GRM7: variants seen among roughly 807,000 people sequenced by gnomAD.
GRM7 encodes the protein metabotropic glutamate receptor 7.
Under a neutral mutation model 84.5 loss-of-function variants are expected in GRM7, and 35 were observed. The observed-to-expected ratio is 0.41, with a 90% CI of 0.32 to 0.55. The LOEUF is 0.55. Ranked by LOEUF, GRM7 falls within the 20% of genes least tolerant of loss-of-function variation. GRM7 has a pLI of 0.19. For synonymous variants in GRM7, 487 were observed against 455.1 expected (o/e 1.07, Z -0.89); for missense variants, 1,003 against 1,194.6 (o/e 0.84, Z 2.36).
chr3:7,376,448 G>A (rs1360933117), intron 4 of GRM7, among the ~76,000 whole-genome samples: 3 of 152,164 alleles, frequency 2.0e-5, no homozygotes, highest in Non-Finnish European at 2.9e-5. Flanking sequence ...GAACAAGCTA[G>A]GAGACCTGCT....
At chr3:6,924,325 T>C (rs1697226770) in intron 1 of GRM7, among the ~76,000 whole-genome samples, 1 of 152,170 alleles carries the variant, frequency 6.6e-6, no homozygotes, top group Admixed American at 6.5e-5. Flanking sequence ...AAATCAAAGA[T>C]AAAATGAGAA....
At chr3:7,297,126 A>G (rs182875068) in intron 2 of GRM7, among the ~76,000 whole-genome samples, 272 of 152,268 alleles carry the variant, frequency 1.8e-3, no homozygotes, top group African/African-American at 6.3e-3. Flanking sequence ...TTGAATATAA[A>G]CATATAATGC....
chr3:7,230,028 A>T (rs995131378), intron 2 of GRM7, among the ~76,000 whole-genome samples: 14 of 150,308 alleles, frequency 9.3e-5, no homozygotes, highest in Non-Finnish European at 1.5e-4. Context: ...TTTAGTAGAG[A>T]CGGGGTTTCA....
rs1046113620 is a variant in GRM7 at position 6,862,237 on chromosome 3, A to G, written c.519+330A>G. Among the ~76,000 whole-genome samples the G allele has an allele frequency of 2.6e-5, 4 of 152,114 alleles. No individual in the cohort carries two copies. The highest frequency in any genetic ancestry group is 4.4e-5 in the Non-Finnish European group (3 of 68,026). On this transcript the variant is annotated intron_variant, in intron 1 of 9. Coordinates refer to ENST00000357716, the MANE Select transcript of GRM7 (RefSeq NM_000844.4). The surrounding 1 kb of genome is among the most constrained non-coding windows in gnomAD (Gnocchi z 5.2). ...AAATATGGTCCGAAAACAGGCTCGT[A>G]AAAGTGCCAGGCTCCTAGGAGAGCT...
intron 7 of GRM7, among the ~76,000 whole-genome samples, chr3:7,488,262 A>G (rs1397623904): frequency 6.6e-6 from 1 of 152,108 alleles, no homozygotes; most frequent in Non-Finnish European, 1.5e-5. Flanking sequence ...GACTTTGGGG[A>G]CTATTCAGAT....
intron 1 of GRM7, among the ~76,000 whole-genome samples, chr3:6,976,644 T>A (rs1171406536): frequency 6.6e-6 from 1 of 152,126 alleles, no homozygotes; most frequent in African/African-American, 2.4e-5. Flanking sequence ...GGAGCCTCCA[T>A]CATGCTCACC....
chr3:7,501,439 C>CTA (rs1298977781), intron 7 of GRM7, among the ~76,000 whole-genome samples: 2 of 152,174 alleles, frequency 1.3e-5, no homozygotes, highest in Non-Finnish European at 2.9e-5. Context: ...CATTTATTGA[C>CTA]TACGTGAGTC....
intron 9 of GRM7, among the ~76,000 whole-genome samples, chr3:7,701,539 G>A (rs1414965594): frequency 1.3e-5 from 2 of 152,092 alleles, no homozygotes; most frequent in South Asian, 2.1e-4. Flanking sequence ...TCCTGACCTC[G>A]TGATCCACTC....
At chr3:7,427,972 A>G (rs1032321384) in intron 5 of GRM7, among the ~76,000 whole-genome samples, 3 of 151,996 alleles carry the variant, frequency 2.0e-5, no homozygotes, top group Admixed American at 1.3e-4. Flanking sequence ...TTTGTTCCAA[A>G]CTGTCCACCT....
rs372693344 is a variant in GRM7, at chr3:7,644,618, C to T, written c.2452-35431C>T. Reference sequence around the variant, plus strand: ...AAGACTGTAACATGGTATCTCAGTTCTCAGTCTTTGAAAGGGTAGTCCTGG... The same window carrying T: ...AAGACTGTAACATGGTATCTCAGTTTTCAGTCTTTGAAAGGGTAGTCCTGG... On this transcript the variant is annotated intron_variant, in intron 8 of 9. Transcript: ENST00000357716. Among the ~76,000 whole-genome samples, 181 of 152,284 alleles carry T rather than the reference C, an allele frequency of 1.2e-3. 5 individuals are homozygous for T. The South Asian group carries it at 0.036, about 30-fold the overall frequency.
chr3:7,444,419 C>T (rs772176540), intron 5 of GRM7, among the ~76,000 whole-genome samples: 62 of 152,146 alleles, frequency 4.1e-4, no homozygotes, highest in Non-Finnish European at 2.4e-4. Context: ...GACATTGAAA[C>T]TGAATCTCTG....
chr3:7,193,391 G>T (rs1695779147), intron 2 of GRM7, among the ~76,000 whole-genome samples: 1 of 152,152 alleles, frequency 6.6e-6, no homozygotes, highest in East Asian at 1.9e-4. Flanking sequence ...AGAATACTCA[G>T]TTGTGTTTAG....
chr3:7,222,192 T>C (rs999266172), intron 2 of GRM7, among the ~76,000 whole-genome samples: 1 of 152,138 alleles, frequency 6.6e-6, no homozygotes, highest in Non-Finnish European at 1.5e-5. Flanking sequence ...AATGACAATA[T>C]GTCTGAATGC....
chr3:7,595,883 G>A (rs1696018981), intron 8 of GRM7, among the ~76,000 whole-genome samples: 1 of 151,974 alleles, frequency 6.6e-6, no homozygotes, highest in South Asian at 2.1e-4. Flanking sequence ...GCCATGAGGG[G>A]AAATTTCAGT....
chr3:7,059,999 A>G (rs1475487974), intron 1 of GRM7, among the ~76,000 whole-genome samples: 2 of 151,844 alleles, frequency 1.3e-5, no homozygotes, highest in Non-Finnish European at 2.9e-5. Context: ...TAGAGTATAC[A>G]TATTCCAGGC....
intron 9 of GRM7, among the ~76,000 whole-genome samples, chr3:7,696,524 T>C (rs1457696629): frequency 6.6e-6 from 1 of 152,144 alleles, no homozygotes; most frequent in Non-Finnish European, 1.5e-5. Context: ...GTTTCCTTAG[T>C]AACAGAAAAG....
chr3:7,448,478 A>G (rs1277329332), intron 5 of GRM7, among the ~76,000 whole-genome samples: 3 of 152,192 alleles, frequency 2.0e-5, no homozygotes, highest in Non-Finnish European at 2.9e-5. Context: ...CCTTACTCAC[A>G]TTGGTGGCCT....
At chr3:7,295,513 AAAAAT>A (rs138813150) in intron 2 of GRM7, among the ~76,000 whole-genome samples, 15,584 of 152,188 alleles carry the variant, frequency 0.1, 994 homozygotes, top group Non-Finnish European at 0.15. Context: ...TGAGGTCTAC[AAAAAT>A]AAAATAAAAT....
chr3:7,062,467 A>G (rs1697463640), intron 1 of GRM7, among the ~76,000 whole-genome samples: 1 of 151,754 alleles, frequency 6.6e-6, no homozygotes, highest in Non-Finnish European at 1.5e-5. Context: ...CACCTAATAA[A>G]TGTGTATTTA....
Sources: allele counts gnomAD v4.1 joint callset (sites outside exome capture counted in the v4.1 genomes callset), GRCh38; gene constraint gnomAD v4.1.1; non-coding constraint Gnocchi (gnomAD v3.1); transcripts MANE v1.5; gene names NCBI Gene and HGNC (gene_info 2026-07-23, HGNC 2026-07-21).